The following RBPMS variants were observed in gnomAD, a reference collection of about 807,000 sequenced individuals.
RBPMS encodes RNA-binding protein with multiple splicing.
In RBPMS, 7 loss-of-function variants were observed where a neutral mutation model predicts 26.8. That is an observed-to-expected ratio of 0.26 (90% CI 0.15 to 0.49). The LOEUF is 0.49. Ranked by LOEUF, RBPMS falls within the 20% of genes least tolerant of loss-of-function variation. The probability of loss-of-function intolerance (pLI) is 0.98; values close to 1 mark genes in which losing one functional copy is unlikely to be tolerated. For synonymous variants in RBPMS, 96 were observed against 93.3 expected (o/e 1.03, Z -0.17); for missense variants, 186 against 250.0 (o/e 0.74, Z 1.73).
intron 4 of RBPMS, among the ~76,000 whole-genome samples, chr8:30,492,435 G>A (rs1369574549): frequency 6.6e-6 from 1 of 151,384 alleles, no homozygotes; most frequent in African/African-American, 2.4e-5. Flanking sequence ...CACCACGCTT[G>A]TCAACACCAG....
intron 1 of RBPMS, among the ~76,000 whole-genome samples, chr8:30,457,244 T>C (rs1230080288): frequency 6.6e-6 from 1 of 152,200 alleles, no homozygotes. Flanking sequence ...ATTCACAAAA[T>C]GGAAAATATT....
intron 1 of RBPMS, among the ~76,000 whole-genome samples, chr8:30,413,506 G>A (rs1251296249): frequency 6.6e-6 from 1 of 152,224 alleles, no homozygotes; most frequent in African/African-American, 2.4e-5. Context: ...GCTACTCTCA[G>A]CCTGCTCCAA....
chr8:30,439,578 TCTTA>T (rs1812842095), intron 1 of RBPMS, among the ~76,000 whole-genome samples: 1 of 152,124 alleles, frequency 6.6e-6, no homozygotes, highest in African/African-American at 2.4e-5. Context: ...AAAACTTCTT[TCTTA>T]GAGTTTGGCT....
intron 6 of RBPMS, among the ~76,000 whole-genome samples, chr8:30,557,383 G>C (rs757315368): frequency 1.8e-4 from 27 of 152,140 alleles, no homozygotes; most frequent in Non-Finnish European, 3.5e-4. Flanking sequence ...CCTGCTTTTA[G>C]AATCAAGTTA....
intron 5 of RBPMS, among the ~76,000 whole-genome samples, chr8:30,509,885 A>C (rs1424325674): frequency 6.6e-6 from 1 of 152,222 alleles, no homozygotes; most frequent in Non-Finnish European, 1.5e-5. Context: ...GCAGTCCAGC[A>C]AAAAAATAAA....
chr8:30,518,891 A>C (rs1306597986), intron 5 of RBPMS, among the ~76,000 whole-genome samples: 1 of 151,180 alleles, frequency 6.6e-6, no homozygotes, highest in East Asian at 1.9e-4. Context: ...TCACACCCTG[A>C]GCAGGAAAAT....
chr8:30,413,359 C>A (rs1220815174), intron 1 of RBPMS, among the ~76,000 whole-genome samples: 1 of 152,192 alleles, frequency 6.6e-6, no homozygotes, highest in Non-Finnish European at 1.5e-5. Flanking sequence ...GCATGAGCCA[C>A]CATGCCTGGC....
intron 4 of RBPMS, among the ~76,000 whole-genome samples, chr8:30,489,933 C>A (rs1002440752): frequency 1.1e-4 from 16 of 152,034 alleles, no homozygotes; most frequent in East Asian, 7.7e-4. Context: ...GCCTCAGCCT[C>A]CCGAATAGCT....
At chr8:30,436,280 A>G (rs1812438381) in intron 1 of RBPMS, among the ~76,000 whole-genome samples, 1 of 151,912 alleles carries the variant, frequency 6.6e-6, no homozygotes, top group Admixed American at 6.6e-5. Flanking sequence ...CCATTTTACT[A>G]TGGACAGTTC....
intron 1 of RBPMS, among the ~76,000 whole-genome samples, chr8:30,417,202 T>A (rs1261307296): frequency 6.6e-6 from 1 of 152,204 alleles, no homozygotes; most frequent in Non-Finnish European, 1.5e-5. Flanking sequence ...CTGGTAGGTT[T>A]GTTACAATGT....
chr8:30,442,902 A>G (rs906331118), intron 1 of RBPMS: 2 of 152,176 alleles, frequency 1.3e-5, no homozygotes, highest in African/African-American at 4.8e-5. Flanking sequence ...TTCCGGGGGA[A>G]GGCTATAGAA....
At chr8:30,467,491 C>T (rs916835171) in intron 1 of RBPMS, among the ~76,000 whole-genome samples, 1 of 152,190 alleles carries the variant, frequency 6.6e-6, no homozygotes, top group Admixed American at 6.5e-5. Flanking sequence ...CATGGTCTGT[C>T]AGAAGAGGGA....
intron 4 of RBPMS, among the ~76,000 whole-genome samples, chr8:30,503,974 T>C (rs1024481763): frequency 2.6e-5 from 4 of 152,230 alleles, no homozygotes; most frequent in African/African-American, 9.6e-5. Flanking sequence ...CTGAAATTAC[T>C]ATATATTAAA....
At chr8:30,550,675 C>T (rs778089648) in intron 6 of RBPMS, among the ~76,000 whole-genome samples, 5 of 152,134 alleles carry the variant, frequency 3.3e-5, no homozygotes, top group Non-Finnish European at 7.4e-5. Flanking sequence ...CCCACAGCAC[C>T]GATTGACAGC....
Position 30,385,156 on chromosome 8 carries a change from GA to G in RBPMS, c.65del (p.Glu22GlyfsTer34). On this transcript the variant is annotated frameshift_variant and splice_region_variant, in exon 1 of 9. Transcript: ENST00000397323. LOFTEE classifies it high-confidence loss of function. ...TPSEANLQEE[E>X]VRTLFVSGLP... The stretch of plus-strand genomic sequence containing the variant: ...GAGCGAGGCCAACCTTCAGGAGGAG[GA>G]GGTACTGGGCGGCTCGGTGTGGTGG... 6.6e-7 allele frequency: 1 copy of G among 1,515,898 alleles called. No homozygotes were observed. Among genetic ancestry groups the G allele is most frequent in the South Asian group, 1.3e-5 (1 of 79,746 alleles). The allele number at this position is 1,515,898 out of a possible 1,614,324, so 93.9% of individuals were successfully genotyped here.
At chr8:30,537,349 C>G (rs1824902410) in intron 5 of RBPMS, among the ~76,000 whole-genome samples, 1 of 152,170 alleles carries the variant, frequency 6.6e-6, no homozygotes, top group African/African-American at 2.4e-5. Context: ...GAATCATGAC[C>G]AGCTTGCTTT....
intron 5 of RBPMS, among the ~76,000 whole-genome samples, chr8:30,523,127 A>T (rs975043012): frequency 1.3e-5 from 2 of 152,212 alleles, no homozygotes; most frequent in African/African-American, 4.8e-5. Flanking sequence ...CTGTAATCCC[A>T]GCACTTTGGG....
chr8:30,559,922 A>G (rs796220481), intron 7 of RBPMS, among the ~76,000 whole-genome samples: 11 of 152,270 alleles, frequency 7.2e-5, no homozygotes, highest in African/African-American at 2.6e-4. Flanking sequence ...TTCTTTTTGT[A>G]CCATTAATAC....
At chr8:30,473,581 A>G (rs779700718) in intron 1 of RBPMS, among the ~76,000 whole-genome samples, 9 of 152,116 alleles carry the variant, frequency 5.9e-5, no homozygotes, top group Non-Finnish European at 1.2e-4. Context: ...TGACCCAGCA[A>G]TCCCATTACT....
Sources: allele counts gnomAD v4.1 joint callset (sites outside exome capture counted in the v4.1 genomes callset), GRCh38; gene constraint gnomAD v4.1.1; transcripts MANE v1.5; gene names NCBI Gene and HGNC (gene_info 2026-07-23, HGNC 2026-07-21).